The following NEDD9 variants were observed in gnomAD, a reference collection of about 807,000 sequenced individuals.
NEDD9 encodes neural precursor cell expressed, developmentally down-regulated 9, also known as enhancer of filamentation 1.
In NEDD9, 26 loss-of-function variants were observed where a neutral mutation model predicts 76.6. The observed-to-expected ratio is 0.34, with a 90% CI of 0.25 to 0.47. NEDD9 has a LOEUF of 0.47. Ranked by LOEUF, NEDD9 falls within the 20% of genes least tolerant of loss-of-function variation. NEDD9 has a pLI of 1.00. For missense variants in NEDD9, 937 were observed against 1,058.5 expected, an observed-to-expected ratio of 0.89 and a Z score of 1.59; for synonymous variants, 392 against 414.2, an observed-to-expected ratio of 0.95 and a Z score of 0.65.
intron 5 of NEDD9, 74 bp downstream of exon 5, chr6:11,189,890 A>G (rs1427898437): frequency 4.1e-6 from 6 of 1,476,758 alleles, no homozygotes; most frequent in Non-Finnish European, 5.4e-6. Context: ...CCAACCCGAC[A>G]TCCTTATAGG....
At chr6:11,233,489 G>C (rs747192872), upstream of NEDD9, 2 of 518,604 alleles carry the variant, frequency 3.9e-6, no homozygotes, top group Non-Finnish European at 7.7e-6. Flanking sequence ...GTTCTTTGAC[G>C]GCTGGCATTT....
At chr6:11,277,823 T>A (rs1760447669) in intron 3 of NEDD9, among the ~76,000 whole-genome samples, 1 of 152,202 alleles carries the variant, frequency 6.6e-6, no homozygotes. Context: ...CTTTCTTTGG[T>A]GACTTCCCAG....
intron 1 of NEDD9, among the ~76,000 whole-genome samples, chr6:11,378,951 C>A (rs548612833): frequency 1.9e-4 from 29 of 152,160 alleles, no homozygotes; most frequent in Non-Finnish European, 4.1e-4. Context: ...TTGTGTTGTA[C>A]CCATTTTTAG....
rs564649485 is a variant in NEDD9 at position 11,271,170 on chromosome 6, C to T, written c.12+34822G>A. 3.3e-5 allele frequency among the ~76,000 whole-genome samples: 5 copies of T among 152,220 alleles called. No homozygotes were observed. The South Asian group carries it at 1.0e-3, about 32-fold the overall frequency. ...CGATTTAGTGTCTCAAGAGTTGGCA[C>T]CACAGTTGCCACCACACCTGATTAA... is the stretch of plus-strand genomic sequence containing the variant. On this transcript the variant is annotated intron_variant, in intron 3 of 3. Transcript: ENST00000397378.
intron 1 of NEDD9, among the ~76,000 whole-genome samples, chr6:11,381,378 T>G (rs1763060877): frequency 2.0e-5 from 3 of 152,256 alleles, no homozygotes; most frequent in Admixed American, 2.0e-4. Context: ...GAATTATGTA[T>G]AACCCTTTCA....
At chr6:11,315,121 A>G (rs922954062) in intron 2 of NEDD9, among the ~76,000 whole-genome samples, 6 of 152,196 alleles carry the variant, frequency 3.9e-5, no homozygotes, top group Admixed American at 1.3e-4. Context: ...GGCTGCTAAC[A>G]GTATCTGAAG....
intron 2 of NEDD9, among the ~76,000 whole-genome samples, chr6:11,324,938 T>G (rs1397587234): frequency 6.6e-6 from 1 of 152,214 alleles, no homozygotes. Context: ...TTCTTTGCAT[T>G]TGCAAACAAC....
At chr6:11,295,543 C>T (rs1760870508) in intron 3 of NEDD9, among the ~76,000 whole-genome samples, 1 of 152,096 alleles carries the variant, frequency 6.6e-6, no homozygotes, top group Non-Finnish European at 1.5e-5. Flanking sequence ...CTTCAGAGTC[C>T]CCTCTTGAGA....
chr6:11,357,942 G>C (rs1042824220), intron 1 of NEDD9, among the ~76,000 whole-genome samples: 2 of 152,158 alleles, frequency 1.3e-5, no homozygotes, highest in Non-Finnish European at 2.9e-5. Context: ...CGCCTCCAGA[G>C]GCAGCCATTC....
chr6:11,204,719 CAAA>C (rs58621043), intron 2 of NEDD9, among the ~76,000 whole-genome samples: 1 of 65,384 alleles, frequency 1.5e-5, no homozygotes, highest in Non-Finnish European at 2.7e-5. Context: ...GGGTCCGTCT[CAAA>C]AAAAAAAAAA....
chr6:11,190,963 T>G lies in NEDD9; in HGVS notation c.906A>C (p.Pro302=), dbSNP rs1368873740. ...RRHQSLSPNH[P]PPQLGQSVGS... is the part of the protein sequence containing the mutation. ...CCACTGACTGTCCGAGTTGCGGGGG[T>G]GGGTGATTCGGGGACAGGCTCTGGT... Residue 302 remains proline (P), a synonymous_variant, in exon 5 of 7, where the codon CCA becomes CCC. Coordinates refer to ENST00000379446, the MANE Select transcript of NEDD9 (RefSeq NM_006403.4). The surrounding 1 kb of genome is among the most constrained non-coding windows in gnomAD (Gnocchi z 5.8). 1.2e-6 allele frequency: 2 copies of G among 1,613,306 alleles called. No individual in the cohort carries two copies. The highest frequency in any genetic ancestry group is 1.3e-5 in the African/African-American group (1 of 74,598).
intron 3 of NEDD9, among the ~76,000 whole-genome samples, chr6:11,281,908 C>A (rs191665492): frequency 3.3e-5 from 5 of 152,106 alleles, no homozygotes; most frequent in East Asian, 1.9e-4. Flanking sequence ...CCACCCCAAC[C>A]AGCTAATTTT....
chr6:11,274,193 C>T (rs745510214), intron 3 of NEDD9, among the ~76,000 whole-genome samples: 5 of 152,108 alleles, frequency 3.3e-5, no homozygotes, highest in Non-Finnish European at 7.3e-5. Context: ...CCAAGTTTTA[C>T]GGAAGTAATA....
chr6:11,238,795 G>T (rs1759656584), intron 3 of NEDD9, among the ~76,000 whole-genome samples: 1 of 152,158 alleles, frequency 6.6e-6, no homozygotes, highest in South Asian at 2.1e-4. Context: ...AATTAGAAAT[G>T]CTTAGGCCTC....
At chr6:11,227,447 T>C (rs546768227) in intron 1 of NEDD9, among the ~76,000 whole-genome samples, 10 of 152,214 alleles carry the variant, frequency 6.6e-5, no homozygotes, top group African/African-American at 2.2e-4. Flanking sequence ...TTACAGACAA[T>C]GCTGTAAAAT....
intron 2 of NEDD9, among the ~76,000 whole-genome samples, chr6:11,202,972 T>C (rs1471975331): frequency 1.3e-5 from 2 of 152,204 alleles, no homozygotes; most frequent in Non-Finnish European, 2.9e-5. Context: ...TGACACAGCG[T>C]TGGGCAGCAA....
intron 1 of NEDD9, among the ~76,000 whole-genome samples, chr6:11,351,113 G>A (rs1762460176): frequency 6.6e-6 from 1 of 152,192 alleles, no homozygotes; most frequent in Non-Finnish European, 1.5e-5. Flanking sequence ...GAGATTCACA[G>A]GTGGAAGGGA....
At chr6:11,302,209 A>T (rs1761066025) in intron 3 of NEDD9, among the ~76,000 whole-genome samples, 1 of 152,238 alleles carries the variant, frequency 6.6e-6, no homozygotes, top group Admixed American at 6.5e-5. Flanking sequence ...ACAGAAATGC[A>T]AACTACCATC....
chr6:11,364,157 C>T (rs1762722649), intron 1 of NEDD9, among the ~76,000 whole-genome samples: 1 of 152,210 alleles, frequency 6.6e-6, no homozygotes, highest in Non-Finnish European at 1.5e-5. Context: ...CAGAGGGTGT[C>T]TAAGTGACCA....
Sources: allele counts gnomAD v4.1 joint callset (sites outside exome capture counted in the v4.1 genomes callset), GRCh38; gene constraint gnomAD v4.1.1; non-coding constraint Gnocchi (gnomAD v3.1); transcripts MANE v1.5; gene names NCBI Gene and HGNC (gene_info 2026-07-23, HGNC 2026-07-21).